The following NBEAL1 variants were observed in gnomAD, a reference collection of about 807,000 sequenced individuals.
NBEAL1 encodes neurobeachin-like protein 1.
In NBEAL1, 273 loss-of-function variants were observed where a neutral mutation model predicts 351.3. That is an observed-to-expected ratio of 0.78 (90% CI 0.70 to 0.86). The LOEUF is 0.86. Ranked by LOEUF, NBEAL1 falls within the 40% of genes least tolerant of loss-of-function variation. The pLI is 0.00. For synonymous variants in NBEAL1, 1,050 were observed against 1,086.4 expected (o/e 0.97, Z 0.66); for missense variants, 2,961 against 3,201.3 (o/e 0.92, Z 1.81).
chr2:203,193,636 A>G (rs970294057), intron 46 of NBEAL1, among the ~76,000 whole-genome samples, 159 bp from the exon 47 acceptor site: 2 of 152,252 alleles, frequency 1.3e-5, no homozygotes, highest in Non-Finnish European at 2.9e-5. Flanking sequence ...TGAAAAAAGT[A>G]GTATCTCTGC....
chr2:203,124,556 T>C (rs1300143744), intron 19 of NBEAL1, among the ~76,000 whole-genome samples: 1 of 152,238 alleles, frequency 6.6e-6, no homozygotes, highest in African/African-American at 2.4e-5. Context: ...ATGTGTATCC[T>C]ACAACATTAT....
At chr2:203,141,366 A>ATTTTTATT (rs2063370884) in intron 31 of NBEAL1, among the ~76,000 whole-genome samples, 1 of 9,108 alleles carries the variant, frequency 1.1e-4, no homozygotes, top group African/African-American at 2.6e-4. Flanking sequence ...TATTATTATT[A>ATTTTTATT]TTTTTTTTTT....
intron 35 of NBEAL1, among the ~76,000 whole-genome samples, chr2:203,151,955 T>TC (rs2063665182): frequency 6.6e-6 from 1 of 152,014 alleles, no homozygotes; most frequent in African/African-American, 2.4e-5. Context: ...TCCTTTTTTT[T>TC]CTTTTCTTTT....
chr2:203,128,122 T>C (rs538130126), intron 24 of NBEAL1, among the ~76,000 whole-genome samples, 185 bp downstream of exon 24: 2 of 152,058 alleles, frequency 1.3e-5, no homozygotes, highest in East Asian at 3.9e-4. Context: ...TCTCGCTCTG[T>C]CACCCAGGCT....
intron 14 of NBEAL1, among the ~76,000 whole-genome samples, chr2:203,108,574 A>G (rs1030541672): frequency 6.8e-6 from 1 of 147,082 alleles, no homozygotes; most frequent in Non-Finnish European, 1.5e-5. Context: ...AATTTTTTGT[A>G]TTTTTTTTTT....
intron 41 of NBEAL1, among the ~76,000 whole-genome samples, chr2:203,174,314 T>C (rs1472405492): frequency 6.6e-6 from 1 of 151,464 alleles, no homozygotes; most frequent in Non-Finnish European, 1.5e-5. Flanking sequence ...TACAGTATTA[T>C]GTACCTGTTA....
chr2:203,146,675 C>T (rs1476046310), intron 33 of NBEAL1, among the ~76,000 whole-genome samples: 1 of 151,988 alleles, frequency 6.6e-6, no homozygotes, highest in African/African-American at 2.4e-5. Context: ...CACCTGTAGT[C>T]CCAACTACTG....
intron 30 of NBEAL1, 80 bp from the exon 31 acceptor site, chr2:203,138,540 A>G (rs2106320406): frequency 1.4e-6 from 2 of 1,394,786 alleles, no homozygotes; most frequent in East Asian, 2.3e-5. Flanking sequence ...TGTGGTTTGT[A>G]TTAATGTTGG....
Position 203,224,130 on chromosome 2 carries a change from ATAG to A in NBEAL1, c.*6780_*6782del, listed in dbSNP as rs1260659495. Among the ~76,000 whole-genome samples the A allele has an allele frequency of 1.3e-5, 2 of 152,060 alleles. No individual in the cohort carries two copies. Among genetic ancestry groups the A allele is most frequent in the Non-Finnish European group, 2.9e-5 (2 of 67,912 alleles). On this transcript the variant is annotated 3_prime_UTR_variant, in exon 56 of 56. Coordinates refer to ENST00000683969, the MANE Select transcript of NBEAL1 (RefSeq NM_001378026.1). ...TTTTCTTCCAAAACTATGGCATGTTATAGTAGATCTTACTATTAAAGATCTTTT... is the reference window on the plus strand; with the variant it reads ...TTTTCTTCCAAAACTATGGCATGTTATAGATCTTACTATTAAAGATCTTTT...
chr2:203,218,722 A>G lies in NBEAL1; in HGVS notation c.*1368A>G, dbSNP rs2065922637. On this transcript the variant is annotated 3_prime_UTR_variant, in exon 56 of 56. Coordinates refer to ENST00000683969, the MANE Select transcript of NBEAL1 (RefSeq NM_001378026.1). ...CGCTTTCCTGTTGACCACAGTATCC[A>G]GTGCCCTTTTCTTTATAATCTTTTG... is the stretch of plus-strand genomic sequence containing the variant. The G allele has an allele frequency of 6.6e-6, 1 of 152,198 alleles. No homozygotes were observed. Among genetic ancestry groups the G allele is most frequent in the African/African-American group, 2.4e-5 (1 of 41,466 alleles). The allele number at this position is 152,198 out of a possible 1,614,324, so 9.4% of individuals were successfully genotyped here.
At chr2:203,146,100 G>A (rs2063507690) in intron 33 of NBEAL1, among the ~76,000 whole-genome samples, 1 of 151,714 alleles carries the variant, frequency 6.6e-6, no homozygotes, top group Non-Finnish European at 1.5e-5. Context: ...TGTAATAAGG[G>A]ACTACTACAA....
Position 203,126,845 on chromosome 2 carries a change from C to A in NBEAL1, c.3167C>A (p.Thr1056Asn). Residue 1056 changes from threonine (T) to asparagine (N), a missense_variant, in exon 23 of 56, where the codon ACC (threonine) becomes AAC (asparagine). By Grantham distance (65) the Thr-to-Asn change is moderately conservative. Transcript: ENST00000683969. ...TTAGGTCACATACAGTATCTTTCAA[C>A]CATCATTAAAGACAGCAGGAGAGTT... ...FRIGHIQYLS[T>N]IIKDSRRVFR... 1 of 1,552,248 alleles carries A rather than the reference C, an allele frequency of 6.4e-7. No individual in the cohort carries two copies. Among genetic ancestry groups the A allele is most frequent in the Non-Finnish European group, 8.7e-7 (1 of 1,146,980 alleles).
At position 203,214,310 on chromosome 2, in the gene NBEAL1, A is replaced by C. The variant is rs546477342; in HGVS notation, c.8070+657A>C. Among the ~76,000 whole-genome samples the C allele has an allele frequency of 3.9e-5, 6 of 152,366 alleles. No homozygotes were observed. The South Asian group carries it at 6.2e-4, about 16-fold the overall frequency. ...TTGGTATTTTCTGAGAAATCTAACA[A>C]TATGGGATCTGTCGGGGTTATTTCA... is the stretch of plus-strand genomic sequence containing the variant. On this transcript the variant is annotated intron_variant, in intron 55 of 55. Coordinates refer to ENST00000683969, the MANE Select transcript of NBEAL1 (RefSeq NM_001378026.1).
intron 6 of NBEAL1, among the ~76,000 whole-genome samples, chr2:203,067,165 G>A (rs1318903706): frequency 6.6e-6 from 1 of 152,206 alleles, no homozygotes; most frequent in African/African-American, 2.4e-5. Flanking sequence ...CCACATGATT[G>A]AATTTTTTAT....
At chr2:203,109,505 C>T (rs1207324668) in intron 14 of NBEAL1, among the ~76,000 whole-genome samples, 1 of 151,906 alleles carries the variant, frequency 6.6e-6, no homozygotes. Context: ...GTAGCTACTA[C>T]TTTTTAATAT....
intron 38 of NBEAL1, among the ~76,000 whole-genome samples, chr2:203,169,284 A>G (rs2064241890): frequency 6.6e-6 from 1 of 151,702 alleles, no homozygotes; most frequent in Non-Finnish European, 1.5e-5. Flanking sequence ...GGAAGGAGGC[A>G]GAATTGAGAA....
chr2:203,178,321 C>A (rs1024752218), intron 42 of NBEAL1, among the ~76,000 whole-genome samples: 4 of 151,990 alleles, frequency 2.6e-5, no homozygotes, highest in Non-Finnish European at 5.9e-5. Context: ...TGCACCACCA[C>A]ACTCAAGTAA....
intron 31 of NBEAL1, among the ~76,000 whole-genome samples, chr2:203,141,245 C>CA (rs2063359295): frequency 6.8e-6 from 1 of 147,528 alleles, no homozygotes. Flanking sequence ...ATTTCCTAAA[C>CA]AAAATGTGTA....
chr2:203,183,157 T>C, intron 43 of NBEAL1, 122 bp from the exon 44 acceptor site: 1 of 533,860 alleles, frequency 1.9e-6, no homozygotes, highest in Middle Eastern at 5.1e-4. Context: ...TGTACTCCAA[T>C]AGATAAGAAT....
Sources: gnomAD v4.1 joint callset for allele counts (sites outside exome capture counted in the v4.1 genomes callset) on GRCh38, gnomAD v4.1.1 for gene constraint, MANE v1.5 for transcripts, NCBI Gene and HGNC (gene_info 2026-07-23, HGNC 2026-07-21) for gene names.